Variants in SURF4 observed in about 807,000 individuals in gnomAD.
SURF4 encodes surfeit locus protein 4.
SURF4 carries 3 observed loss-of-function variants against 30.0 expected under a neutral mutation model. That is an observed-to-expected ratio of 0.10 (90% CI 0.05 to 0.26). The LOEUF is 0.26. Ranked by LOEUF, SURF4 falls within the 10% of genes least tolerant of loss-of-function variation. The pLI, the probability that SURF4 is intolerant of heterozygous loss-of-function variation, is 1.00. For missense variants in SURF4, 217 were observed against 350.8 expected (o/e 0.62, Z 3.05); for synonymous variants, 143 against 139.9 (o/e 1.02, Z -0.16).
chr9:133,367,518 TG>T, intron 1 of SURF4, 73 bp from the exon 2 acceptor site: 1 of 1,597,602 alleles, frequency 6.3e-7, no homozygotes. Context: ...GGCACGTCCT[TG>T]GGCGGGGTGT....
At chr9:133,374,179 A>C (rs1262622510) in intron 1 of SURF4, among the ~76,000 whole-genome samples, 1 of 152,214 alleles carries the variant, frequency 6.6e-6, no homozygotes, top group Non-Finnish European at 1.5e-5. Flanking sequence ...GGGTCACTAT[A>C]AATTATGTCA....
intron 5 of SURF4, among the ~76,000 whole-genome samples, chr9:133,364,396 A>C (rs2130101687): frequency 6.6e-6 from 1 of 152,202 alleles, no homozygotes; most frequent in Non-Finnish European, 1.5e-5. Flanking sequence ...TAATGGGATC[A>C]AAAAGTTTGC....
At chr9:133,365,160 C>T (rs1837092130) in intron 4 of SURF4, 134 bp from the exon 5 acceptor site, 1 of 798,062 alleles carries the variant, frequency 1.3e-6, no homozygotes, top group African/African-American at 1.8e-5. Flanking sequence ...AGTGATCTGC[C>T]AAGCAGGACC....
At chr9:133,373,574 G>C (rs1265403178) in intron 1 of SURF4, among the ~76,000 whole-genome samples, 1 of 151,958 alleles carries the variant, frequency 6.6e-6, no homozygotes, top group Non-Finnish European at 1.5e-5. Flanking sequence ...CTGCACTCCA[G>C]CCTGGGTGAC....
At chr9:133,370,017 T>C (rs2130175857) in intron 1 of SURF4, among the ~76,000 whole-genome samples, 2 of 152,286 alleles carry the variant, frequency 1.3e-5, no homozygotes, top group South Asian at 4.1e-4. Context: ...CCAGAGGTGT[T>C]CTGACTTGCT....
At chr9:133,375,751 G>A (rs1365199612) in intron 1 of SURF4, among the ~76,000 whole-genome samples, 171 bp downstream of exon 1, 3 of 152,070 alleles carry the variant, frequency 2.0e-5, no homozygotes, top group Non-Finnish European at 4.4e-5. Flanking sequence ...CGGAGGCCGG[G>A]TTTGGGGCTG....
rs2130088378 is a variant in SURF4, at chr9:133,363,566, A to G, written c.737T>C (p.Ile246Thr). 5.1e-5 allele frequency: 83 copies of G among 1,614,062 alleles called. No homozygotes were observed. Among genetic ancestry groups the G allele is most frequent in the Middle Eastern group, 1.6e-4 (1 of 6,084 alleles). The change falls in exon 6 of 6, where the codon ATT becomes ACT. Residue 246 changes from isoleucine (I) to threonine (T), a missense_variant. Coordinates refer to ENST00000371989, the MANE Select transcript of SURF4 (RefSeq NM_033161.4). The surrounding 1 kb of genome is among the most constrained non-coding windows in gnomAD (Gnocchi z 4.3). ...GGCCACCACCAGGAGCAAGCCCCCAATCACCGACATGGTCTGGAAGAAGTC... is the reference window on the plus strand; with the variant it reads ...GGCCACCACCAGGAGCAAGCCCCCAGTCACCGACATGGTCTGGAAGAAGTC... ...KYDFFQTMSV[I>T]GGLLLVVALG...
At chr9:133,369,725 G>T (rs2130172460) in intron 1 of SURF4, among the ~76,000 whole-genome samples, 2 of 152,340 alleles carry the variant, frequency 1.3e-5, no homozygotes, top group African/African-American at 4.8e-5. Flanking sequence ...ATATTCCATG[G>T]AAGAGAGAAA....
chr9:133,365,589 A>G (rs1285549521), intron 4 of SURF4, among the ~76,000 whole-genome samples: 2 of 152,194 alleles, frequency 1.3e-5, no homozygotes, highest in African/African-American at 4.8e-5. Flanking sequence ...AAACTTAAAA[A>G]TCACAAAAAA....
intron 5 of SURF4, 103 bp downstream of exon 5, chr9:133,364,737 G>T: frequency 8.7e-7 from 1 of 1,143,822 alleles, no homozygotes; most frequent in Non-Finnish European, 1.2e-6. Context: ...GCTCCCCCAG[G>T]CTGTGGTTAA....
At chr9:133,371,127 ACTTT>A in intron 1 of SURF4, 1 of 985,356 alleles carries the variant, frequency 1.0e-6, no homozygotes, top group Non-Finnish European at 1.2e-6. Context: ...AGAAAACTCC[ACTTT>A]CTCTTCACAC....
chr9:133,373,506 G>A (rs1424156378), intron 1 of SURF4, among the ~76,000 whole-genome samples: 1 of 152,132 alleles, frequency 6.6e-6, no homozygotes, highest in African/African-American at 2.4e-5. Context: ...AGGAGGCTGA[G>A]GCAGGAGAAT....
In SURF4 at chr9:133,367,239, C is replaced by T; in HGVS notation, c.235+20G>A. 6.2e-7 allele frequency: 1 copy of T among 1,611,224 alleles called. No homozygotes were observed. The highest frequency in any genetic ancestry group is 8.5e-7 in the Non-Finnish European group (1 of 1,177,884). On this transcript the variant is annotated intron_variant, in intron 2 of 5. Transcript: ENST00000371989. ...GAACAAGACGCCCAGTGAATCCTGA[C>T]CACCCGCAGAGCCACTCACTCAGCT...
At chr9:133,373,909 C>CAAAAAAAAAAAAAAAAAAAAAAA (rs71824689) in intron 1 of SURF4, among the ~76,000 whole-genome samples, 17 of 47,558 alleles carry the variant, frequency 3.6e-4, no homozygotes, top group Non-Finnish European at 4.8e-4. Context: ...AATTCTGTCT[C>CAAAAAAAAAAAAAAAAAAAAAAA]AAAAAAAAAA....
chr9:133,374,117 C>G (rs1422252905), intron 1 of SURF4, among the ~76,000 whole-genome samples: 1 of 152,066 alleles, frequency 6.6e-6, no homozygotes, highest in East Asian at 1.9e-4. Context: ...ATCCTTCCCT[C>G]AGCTATGAGG....
chr9:133,370,800 T>G, intron 1 of SURF4: 3 of 1,142,922 alleles, frequency 2.6e-6, no homozygotes, highest in Non-Finnish European at 3.5e-6. Flanking sequence ...TCCCCCCCAT[T>G]AGAGAACTGC....
At chr9:133,367,796 C>G (rs1837268802) in intron 1 of SURF4, among the ~76,000 whole-genome samples, 1 of 152,238 alleles carries the variant, frequency 6.6e-6, no homozygotes, top group Non-Finnish European at 1.5e-5. Flanking sequence ...GTGGCACTGC[C>G]ACAAGACACA....
chr9:133,364,031 A>G (rs2130098149), intron 5 of SURF4: 24 of 681,872 alleles, frequency 3.5e-5, no homozygotes, highest in East Asian at 1.6e-4. Context: ...TCTCTAATCC[A>G]TAACTAAATT....
In SURF4 at chr9:133,362,051, T is replaced by C. The variant is rs919308310; in HGVS notation, c.*1442A>G. 3 of 152,190 alleles carry C rather than the reference T, an allele frequency of 2.0e-5. No individual in the cohort carries two copies. The highest frequency in any genetic ancestry group is 6.5e-5 in the Admixed American group (1 of 15,272). 9.4% of individuals were successfully genotyped at this position (152,190 alleles called of 1,614,324 possible). The stretch of plus-strand genomic sequence containing the variant: ...TACCAGGGGAATATTTGCAAACGCG[T>C]TGGGACTAGTTCGGCTGTGTTAAAA... On this transcript the variant is annotated 3_prime_UTR_variant, in exon 6 of 6. Coordinates refer to ENST00000371989, the MANE Select transcript of SURF4 (RefSeq NM_033161.4).
Sources: gnomAD v4.1 joint callset for allele counts (sites outside exome capture counted in the v4.1 genomes callset) on GRCh38, gnomAD v4.1.1 for gene constraint, Gnocchi (gnomAD v3.1) non-coding constraint, MANE v1.5 for transcripts, NCBI Gene and HGNC (gene_info 2026-07-23, HGNC 2026-07-21) for gene names.